ROBO2: variants seen among roughly 807,000 people sequenced by gnomAD.
The protein encoded by ROBO2 is roundabout guidance receptor 2.
ROBO2 carries 53 observed loss-of-function variants against 160.8 expected under a neutral mutation model. The ratio of observed to expected loss-of-function variants is 0.33; its 90% CI spans 0.26 to 0.41. The LOEUF (loss-of-function observed/expected upper bound fraction) is 0.41, where lower values mean the gene tolerates loss of function less well. ROBO2 is among the 10% of genes least tolerant of loss of function. ROBO2 has a pLI of 1.00. For missense variants in ROBO2, 1,577 were observed against 1,722.4 expected (o/e 0.92, Z 1.49); for synonymous variants, 664 against 611.7 (o/e 1.09, Z -1.26).
intron 2 of ROBO2, among the ~76,000 whole-genome samples, chr3:76,751,989 A>G (rs915831775): frequency 2.0e-5 from 3 of 152,164 alleles, no homozygotes; most frequent in Non-Finnish European, 4.4e-5. Context: ...AGACACATGC[A>G]CACGTATGTT....
At chr3:76,434,533 T>A in intron 2 of ROBO2, 1 of 1,577,892 alleles carries the variant, frequency 6.3e-7, no homozygotes, top group South Asian at 1.1e-5. Flanking sequence ...ATAAGAAGCA[T>A]GTAGACTGGG....
At chr3:77,480,073 A>T (rs2084499001) in intron 3 of ROBO2, among the ~76,000 whole-genome samples, 1 of 152,322 alleles carries the variant, frequency 6.6e-6, no homozygotes, top group African/African-American at 2.4e-5. Context: ...ACCAGACAGA[A>T]TTGAGAACAG....
intron 2 of ROBO2, among the ~76,000 whole-genome samples, chr3:76,091,487 A>T (rs1394301219): frequency 6.6e-6 from 1 of 152,176 alleles, no homozygotes; most frequent in Non-Finnish European, 1.5e-5. Context: ...GGGGCTACAA[A>T]GTGGTACAGC....
chr3:76,977,470 T>G (rs1215384784), intron 2 of ROBO2, among the ~76,000 whole-genome samples: 1 of 152,140 alleles, frequency 6.6e-6, no homozygotes, highest in Non-Finnish European at 1.5e-5. Context: ...CTTTTCTTTA[T>G]GGAAAACAAT....
chr3:76,163,665 TC>T (rs2072723473), intron 2 of ROBO2, among the ~76,000 whole-genome samples: 1 of 151,964 alleles, frequency 6.6e-6, no homozygotes, highest in African/African-American at 2.4e-5. Context: ...ATTGTTTTTT[TC>T]AATGCATATC....
At chr3:76,304,000 T>C (rs2071200259) in intron 2 of ROBO2, among the ~76,000 whole-genome samples, 1 of 152,244 alleles carries the variant, frequency 6.6e-6, no homozygotes, top group Non-Finnish European at 1.5e-5. Flanking sequence ...AAACTATTTC[T>C]CGATAACAGT....
intron 1 of ROBO2, among the ~76,000 whole-genome samples, chr3:77,044,787 C>G (rs2064470361): frequency 6.6e-6 from 1 of 152,166 alleles, no homozygotes; most frequent in Non-Finnish European, 1.5e-5. Context: ...CCAGTTTACA[C>G]AAGTAAAAGT....
At chr3:76,922,296 G>T (rs1008705342) in intron 2 of ROBO2, among the ~76,000 whole-genome samples, 17 of 152,202 alleles carry the variant, frequency 1.1e-4, no homozygotes, top group African/African-American at 4.1e-4. Context: ...GGGCGACAGA[G>T]TGAAACTCCA....
intron 2 of ROBO2, among the ~76,000 whole-genome samples, chr3:76,992,810 A>G (rs2060764365): frequency 6.6e-6 from 1 of 151,946 alleles, no homozygotes; most frequent in African/African-American, 2.4e-5. Context: ...ATAAAAAGTC[A>G]AAGTTTTACT....
chr3:76,517,142 A>G (rs1342341159), intron 2 of ROBO2, among the ~76,000 whole-genome samples: 2 of 152,160 alleles, frequency 1.3e-5, no homozygotes, highest in Non-Finnish European at 2.9e-5. Flanking sequence ...GTGTGATTGC[A>G]AGCCAGTGTT....
At chr3:76,479,114 C>T (rs2079083153) in intron 2 of ROBO2, among the ~76,000 whole-genome samples, 1 of 152,146 alleles carries the variant, frequency 6.6e-6, no homozygotes, top group Non-Finnish European at 1.5e-5. Context: ...GCAATCCTTT[C>T]ACATATCTTA....
intron 2 of ROBO2, among the ~76,000 whole-genome samples, chr3:76,004,910 G>T (rs1489098599): frequency 7.9e-5 from 12 of 152,218 alleles, no homozygotes; most frequent in African/African-American, 2.9e-4. Flanking sequence ...CAAAAGGCAT[G>T]TGTTGAAACA....
At chr3:77,189,682 A>G (rs1032109991) in intron 2 of ROBO2, among the ~76,000 whole-genome samples, 1 of 152,018 alleles carries the variant, frequency 6.6e-6, no homozygotes, top group Non-Finnish European at 1.5e-5. Flanking sequence ...GAGTATACAC[A>G]GTATGTAACA....
At chr3:76,203,758 A>T (rs1232225728) in intron 2 of ROBO2, among the ~76,000 whole-genome samples, 2 of 145,210 alleles carry the variant, frequency 1.4e-5, no homozygotes, top group African/African-American at 5.2e-5. Context: ...TCACCATGAG[A>T]TTCTCAGGCT....
At chr3:77,312,492 A>C (rs966459939) in intron 2 of ROBO2, among the ~76,000 whole-genome samples, 78 of 152,302 alleles carry the variant, frequency 5.1e-4, no homozygotes, top group African/African-American at 1.8e-3. Context: ...AGGGTGTTTT[A>C]ATTTTTATTT....
chr3:77,577,576 C>T, exon 15 of ROBO2: 4 of 1,613,368 alleles, frequency 2.5e-6, no homozygotes, highest in Non-Finnish European at 3.4e-6. Context: ...GGATCCTCCT[C>T]CTCCAGATCA....
At chr3:77,413,476 A>G (rs2076964255) in intron 2 of ROBO2, among the ~76,000 whole-genome samples, 2 of 152,156 alleles carry the variant, frequency 1.3e-5, no homozygotes, top group South Asian at 4.1e-4. Flanking sequence ...CGAGACAGGA[A>G]TCCATTGAAA....
At position 77,443,418 on chromosome 3, in the gene ROBO2, A is replaced by G. The variant is rs147431121; in HGVS notation, c.389-33996A>G. ...CATCATTTACATATAGTGCTCAATA[A>G]AATAGTCTAAGTGCCACTCATTGCC... On this transcript the variant is annotated intron_variant, in intron 2 of 25. Coordinates refer to ENST00000461745, the Ensembl canonical transcript of ROBO2. Among the ~76,000 whole-genome samples, 476 of 152,226 alleles carry G rather than the reference A, an allele frequency of 3.1e-3. 3 individuals are homozygous for G. The highest frequency in any genetic ancestry group is 0.011 in the African/African-American group (461 of 41,546).
At chr3:77,440,229 TA>T (rs1364868169) in intron 2 of ROBO2, among the ~76,000 whole-genome samples, 2 of 152,174 alleles carry the variant, frequency 1.3e-5, no homozygotes, top group Non-Finnish European at 2.9e-5. Context: ...TTTTGGTCAA[TA>T]AAAAGCCTAG....
Sources: gnomAD v4.1 joint callset for allele counts (sites outside exome capture counted in the v4.1 genomes callset) on GRCh38, gnomAD v4.1.1 for gene constraint, MANE v1.5 for transcripts, NCBI Gene and HGNC (gene_info 2026-07-23, HGNC 2026-07-21) for gene names.